The following SUPV3L1 variants were observed in gnomAD, a reference collection of about 807,000 sequenced individuals.
The protein encoded by SUPV3L1 is Suv3 like RNA helicase, also known as ATP-dependent RNA helicase SUPV3L1, mitochondrial.
Under a neutral mutation model 70.0 loss-of-function variants are expected in SUPV3L1, and 35 were observed. That is an observed-to-expected ratio of 0.50 (90% CI 0.38 to 0.66). The LOEUF is 0.66. SUPV3L1 is among the 30% of genes least tolerant of loss of function. The pLI is 0.00. For synonymous variants in SUPV3L1, 364 were observed against 341.9 expected (o/e 1.06, Z -0.71); for missense variants, 777 against 961.5 (o/e 0.81, Z 2.54).
intron 7 of SUPV3L1, among the ~76,000 whole-genome samples, chr10:69,195,774 G>T (rs926887785): frequency 1.3e-5 from 2 of 152,080 alleles, no homozygotes; most frequent in Non-Finnish European, 2.9e-5. Context: ...ACAGGGTCTT[G>T]CTCTGATGCC....
intron 1 of SUPV3L1, among the ~76,000 whole-genome samples, chr10:69,180,789 T>C (rs1026988886): frequency 1.5e-4 from 23 of 152,330 alleles, no homozygotes; most frequent in Middle Eastern, 3.4e-3. Context: ...TTTTCCCTTT[T>C]ACTGCCCTGC....
chr10:69,208,751 TCAGGGAGC>T lies in SUPV3L1; in HGVS notation c.2081_2088del (p.Gly694ValfsTer12). 1 of 1,614,164 alleles carries T rather than the reference TCAGGGAGC, an allele frequency of 6.2e-7. No homozygotes were observed. The highest frequency in any genetic ancestry group is 8.5e-7 in the Non-Finnish European group (1 of 1,180,032). On this transcript the variant is annotated frameshift_variant, in exon 15 of 15. Coordinates refer to ENST00000359655, the MANE Select transcript of SUPV3L1 (RefSeq NM_003171.5). LOFTEE classifies it low-confidence loss of function (END_TRUNC). ...GCTGTTGAATTTGGAGGGCTTTCCATCAGGGAGCCAGTCACGATTGTCAGGAACCTTAA... is the reference window on the plus strand; with the variant it reads ...GCTGTTGAATTTGGAGGGCTTTCCATCAGTCACGATTGTCAGGAACCTTAA...
chr10:69,186,551 G>A lies in SUPV3L1; in HGVS notation c.457+1G>A. 1 of 1,610,446 alleles carries A rather than the reference G, an allele frequency of 6.2e-7. No homozygotes were observed. Among genetic ancestry groups the A allele is most frequent in the Non-Finnish European group, 8.5e-7 (1 of 1,177,166 alleles). On this transcript the variant is annotated splice_donor_variant, in intron 3 of 14. Coordinates refer to ENST00000359655, the MANE Select transcript of SUPV3L1 (RefSeq NM_003171.5). LOFTEE classifies it high-confidence loss of function. Reference sequence around the variant, plus strand: ...TTGAATGATATTTGCTTCGGTGCAGGCAAGTGTTTAGAGACTTTTTAAAAT... The same window carrying A: ...TTGAATGATATTTGCTTCGGTGCAGACAAGTGTTTAGAGACTTTTTAAAAT...
intron 1 of SUPV3L1, among the ~76,000 whole-genome samples, chr10:69,183,882 CTT>C (rs11375472): frequency 2.2e-4 from 32 of 143,888 alleles, no homozygotes; most frequent in Admixed American, 4.9e-4. Context: ...TCCCCAGTGT[CTT>C]TTTTTTTTTT....
rs372711916 is a variant in SUPV3L1 at position 69,208,754 on chromosome 10, G to A, written c.2080G>A (p.Gly694Arg). ...KLLNLEGFPS[G>R]SQSRLSGTLK... ...GTTGAATTTGGAGGGCTTTCCATCAGGGAGCCAGTCACGATTGTCAGGAAC... is the reference window on the plus strand; with the variant it reads ...GTTGAATTTGGAGGGCTTTCCATCAAGGAGCCAGTCACGATTGTCAGGAAC... The change falls in exon 15 of 15, where the codon GGG (glycine) becomes AGG (arginine). Residue 694 changes from glycine (G) to arginine (R), a missense_variant. Gly to Arg is a moderately radical substitution (Grantham distance 125, BLOSUM62 -2). This residue lies in a region of SUPV3L1 where 619 missense variants were observed against 823.3 expected (regional missense o/e 0.75). Coordinates refer to ENST00000359655, the MANE Select transcript of SUPV3L1 (RefSeq NM_003171.5). The A allele has an allele frequency of 6.2e-7, 1 of 1,614,178 alleles. No individual in the cohort carries two copies. Among genetic ancestry groups the A allele is most frequent in the Non-Finnish European group, 8.5e-7 (1 of 1,180,028 alleles).
Position 69,182,732 on chromosome 10 carries a change from G to A in SUPV3L1, c.271+2170G>A, listed in dbSNP as rs560208124. ...AATGATTTTTCAGCATGGCAGGAGG[G>A]GCTACAGAAGATGGTGCATTACTAC... is the stretch of plus-strand genomic sequence containing the variant. On this transcript the variant is annotated intron_variant, in intron 1 of 14. Transcript: ENST00000359655. 9.4e-6 allele frequency: 9 copies of A among 960,884 alleles called. No homozygotes were observed. In the South Asian group the frequency reaches 4.3e-4, roughly 46 times the overall value. The allele number at this position is 960,884 out of a possible 1,614,324, so 59.5% of individuals were successfully genotyped here.
At chr10:69,198,985 A>C in intron 9 of SUPV3L1, 119 bp from the exon 10 acceptor site, 1 of 725,284 alleles carries the variant, frequency 1.4e-6, no homozygotes. Flanking sequence ...AGTTTGAAAC[A>C]GTAAAGGTTT....
chr10:69,184,327 G>A (rs1304792777), intron 1 of SUPV3L1, among the ~76,000 whole-genome samples: 1 of 152,080 alleles, frequency 6.6e-6, no homozygotes, highest in East Asian at 1.9e-4. Flanking sequence ...TCAGGAGTTC[G>A]AGACCGGCCT....
At chr10:69,191,522 T>G in intron 5 of SUPV3L1, 133 bp from the exon 6 acceptor site, 1 of 706,828 alleles carries the variant, frequency 1.4e-6, no homozygotes, top group Non-Finnish European at 2.4e-6. Flanking sequence ...CCACCGTGTC[T>G]GGCCGTGGGA....
In SUPV3L1 at chr10:69,202,533, C is replaced by G; in HGVS notation, c.1599+14C>G. ...TCCAATCTCATTGTAAGTGGAAACTCCCTTTCACATCTCCCCTAAAAATGT... is the reference window on the plus strand; with the variant it reads ...TCCAATCTCATTGTAAGTGGAAACTGCCTTTCACATCTCCCCTAAAAATGT... On this transcript the variant is annotated intron_variant, in intron 12 of 14. Transcript: ENST00000359655. 6.2e-7 allele frequency: 1 copy of G among 1,606,796 alleles called. No individual in the cohort carries two copies. Among genetic ancestry groups the G allele is most frequent in the Non-Finnish European group, 8.5e-7 (1 of 1,175,016 alleles).
chr10:69,187,909 T>C (rs1842276630), intron 4 of SUPV3L1, among the ~76,000 whole-genome samples, 153 bp downstream of exon 4: 1 of 152,244 alleles, frequency 6.6e-6, no homozygotes, highest in African/African-American at 2.4e-5. Flanking sequence ...TTAACTCTTT[T>C]AGGCAATTCA....
chr10:69,202,130 C>T (rs1006580500), intron 11 of SUPV3L1, among the ~76,000 whole-genome samples: 6 of 152,212 alleles, frequency 3.9e-5, no homozygotes, highest in Admixed American at 6.5e-5. Context: ...TGAGCCACCA[C>T]ACCCAGCCCA....
In SUPV3L1 at chr10:69,180,374, T is replaced by G. The variant is rs971314334; in HGVS notation, c.83T>G (p.Leu28Arg). The change falls in exon 1 of 15, where the codon CTT (leucine) becomes CGT (arginine). Residue 28 changes from leucine (L) to arginine (R), a missense_variant. Leu to Arg is a moderately radical substitution (Grantham distance 102). Around this residue, in one of 2 missense-constraint regions of SUPV3L1, gnomAD observed 158 missense variants for 138.3 expected, o/e 1.14. Coordinates refer to ENST00000359655, the MANE Select transcript of SUPV3L1 (RefSeq NM_003171.5). ...AGHRAAICSA[L>R]RPHFGPFPGV... ...CACCGGGCAGCCATCTGCTCTGCCC[T>G]TCGTCCCCACTTTGGGCCCTTTCCC... is the stretch of plus-strand genomic sequence containing the variant. The G allele has an allele frequency of 1.2e-6, 2 of 1,614,126 alleles. No homozygotes were observed. The highest frequency in any genetic ancestry group is 1.7e-6 in the Non-Finnish European group (2 of 1,180,044).
At chr10:69,186,132 A>G (rs1842221891) in intron 2 of SUPV3L1, 68 bp downstream of exon 2, 1 of 1,372,610 alleles carries the variant, frequency 7.3e-7, no homozygotes, top group Non-Finnish European at 1.0e-6. Context: ...TCAGGACTGT[A>G]CGACCCCTCA....
At chr10:69,188,358 T>C (rs573269619) in intron 4 of SUPV3L1, among the ~76,000 whole-genome samples, 1 of 152,174 alleles carries the variant, frequency 6.6e-6, no homozygotes, top group Non-Finnish European at 1.5e-5. Context: ...TCTGCTTGGG[T>C]TCCACCTCCC....
chr10:69,184,449 C>T (rs1458724115), intron 1 of SUPV3L1, among the ~76,000 whole-genome samples: 1 of 152,156 alleles, frequency 6.6e-6, no homozygotes, highest in Non-Finnish European at 1.5e-5. Context: ...GCAGGAGAAT[C>T]TCTTGAGCCC....
intron 1 of SUPV3L1, among the ~76,000 whole-genome samples, chr10:69,185,611 C>T (rs1842201441): frequency 6.6e-6 from 1 of 151,564 alleles, no homozygotes; most frequent in South Asian, 2.1e-4. Context: ...ATGCCATTCT[C>T]CTGCCTCAGC....
chr10:69,203,562 G>A (rs941068886), intron 13 of SUPV3L1, among the ~76,000 whole-genome samples: 1 of 150,840 alleles, frequency 6.6e-6, no homozygotes, highest in African/African-American at 2.4e-5. Context: ...TACTCGGGAG[G>A]CTGAGGCAGG....
intron 13 of SUPV3L1, 115 bp from the exon 14 acceptor site, chr10:69,207,678 T>C (rs1219265694): frequency 8.0e-7 from 1 of 1,247,192 alleles, no homozygotes; most frequent in Non-Finnish European, 1.1e-6. Context: ...AAACCACCTG[T>C]CTATTGAAAT....
Sources: allele counts gnomAD v4.1 joint callset (sites outside exome capture counted in the v4.1 genomes callset), GRCh38; gene constraint gnomAD v4.1.1; regional missense constraint gnomAD v4.1.1; transcripts MANE v1.5; gene names NCBI Gene and HGNC (gene_info 2026-07-23, HGNC 2026-07-21).